Variants in CDK15 observed in about 807,000 individuals in gnomAD.
CDK15 encodes the protein cyclin dependent kinase 15.
CDK15 carries 62 observed loss-of-function variants against 60.3 expected under a neutral mutation model. The observed-to-expected ratio is 1.03, with a 90% CI of 0.84 to 1.27. The LOEUF is 1.27. Ranked by LOEUF, CDK15 falls within the 50% of genes most tolerant of loss-of-function variation. CDK15 has a pLI of 0.00. For missense variants in CDK15, 541 were observed against 527.8 expected, an observed-to-expected ratio of 1.03 and a Z score of -0.25; for synonymous variants, 194 against 195.7, an observed-to-expected ratio of 0.99 and a Z score of 0.07.
chr2:201,835,187 G>C (rs996709601), intron 7 of CDK15, among the ~76,000 whole-genome samples: 1 of 152,168 alleles, frequency 6.6e-6, no homozygotes, highest in Non-Finnish European at 1.5e-5. Flanking sequence ...CCTGACCTAA[G>C]CAGGCAGAGC....
intron 10 of CDK15, among the ~76,000 whole-genome samples, chr2:201,869,748 G>A (rs939954536): frequency 1.3e-5 from 2 of 152,022 alleles, no homozygotes; most frequent in African/African-American, 4.8e-5. Context: ...ACAGCACATA[G>A]ACCTCTCAGA....
chr2:201,824,799 C>A, intron 6 of CDK15: 1 of 678,530 alleles, frequency 1.5e-6, no homozygotes, highest in Non-Finnish European at 2.1e-6. Flanking sequence ...ATGTGAAACA[C>A]CCTCAGCCAT....
chr2:201,845,951 A>AT (rs1373732765), intron 8 of CDK15, among the ~76,000 whole-genome samples: 1 of 151,916 alleles, frequency 6.6e-6, no homozygotes, highest in Non-Finnish European at 1.5e-5. Context: ...TAAAAATCTG[A>AT]TTTTTGCTAA....
rs1696334074 is a variant in CDK15 at position 201,823,707 on chromosome 2, C to T, written c.586C>T (p.Leu196Phe). Residue 196 changes from leucine to phenylalanine, a missense_variant, in exon 6 of 14, where the codon CTT becomes TTT. Transcript: ENST00000652192. ...AQYMSQHPGG[L>F]HPHNVRLFMF... Reference sequence around the variant, plus strand: ...GTATATGTCTCAGCATCCAGGAGGGCTTCATCCTCATAATGTCAGAGTGAG... The same window carrying T: ...GTATATGTCTCAGCATCCAGGAGGGTTTCATCCTCATAATGTCAGAGTGAG... The T allele has an allele frequency of 6.2e-7, 1 of 1,613,822 alleles. No homozygotes were observed. Among genetic ancestry groups the T allele is most frequent in the East Asian group, 2.2e-5 (1 of 44,876 alleles).
At chr2:201,854,702 C>T (rs766368543) in intron 9 of CDK15, 172 bp from the exon 10 acceptor site, 19 of 598,422 alleles carry the variant, frequency 3.2e-5, no homozygotes, top group South Asian at 1.2e-4. Context: ...AAACCACAAA[C>T]GTTGGAAACA....
chr2:201,825,655 T>A (rs1466646349), intron 6 of CDK15, among the ~76,000 whole-genome samples: 1 of 152,190 alleles, frequency 6.6e-6, no homozygotes, highest in Non-Finnish European at 1.5e-5. Flanking sequence ...ACTTTTTTTT[T>A]ATGGTAATGC....
chr2:201,807,361 C>A (rs1695555436), intron 1 of CDK15, 133 bp from the exon 2 acceptor site: 1 of 849,724 alleles, frequency 1.2e-6, no homozygotes, highest in Non-Finnish European at 1.8e-6. Flanking sequence ...AAGAAAAGTG[C>A]CTTTTGGGGG....
chr2:201,830,444 G>A (rs972723017), intron 6 of CDK15, among the ~76,000 whole-genome samples: 5 of 152,176 alleles, frequency 3.3e-5, no homozygotes, highest in African/African-American at 4.8e-5. Flanking sequence ...GGAAACCATG[G>A]TAAAAAAACA....
At chr2:201,836,156 ATATATT>A (rs1697067882) in intron 8 of CDK15, among the ~76,000 whole-genome samples, 1 of 20,184 alleles carries the variant, frequency 5.0e-5, no homozygotes, top group East Asian at 1.4e-3. Flanking sequence ...TATATATTTT[ATATATT>A]TATATATTTA....
chr2:201,873,914 C>A (rs190422668), intron 11 of CDK15, among the ~76,000 whole-genome samples: 1 of 152,084 alleles, frequency 6.6e-6, no homozygotes, highest in African/African-American at 2.4e-5. Context: ...ATTAGCCGAG[C>A]GTGGTGGCAT....
chr2:201,890,493 T>C (rs946462593), intron 12 of CDK15, among the ~76,000 whole-genome samples: 1 of 152,202 alleles, frequency 6.6e-6, no homozygotes, highest in African/African-American at 2.4e-5. Flanking sequence ...GGTCCTTCTT[T>C]GTATGTGTAT....
At chr2:201,854,119 AG>A (rs2105786417) in intron 9 of CDK15, among the ~76,000 whole-genome samples, 1 of 152,256 alleles carries the variant, frequency 6.6e-6, no homozygotes, top group East Asian at 1.9e-4. Flanking sequence ...GCTTGCAGTG[AG>A]CCGAGATCGC....
intron 8 of CDK15, among the ~76,000 whole-genome samples, chr2:201,838,823 GA>G (rs1428461938): frequency 6.6e-6 from 1 of 152,094 alleles, no homozygotes; most frequent in African/African-American, 2.4e-5. Flanking sequence ...CCCTCCACTA[GA>G]AGGCCTTCTA....
chr2:201,850,299 A>G (rs1697851916), intron 9 of CDK15, among the ~76,000 whole-genome samples: 1 of 152,156 alleles, frequency 6.6e-6, no homozygotes, highest in African/African-American at 2.4e-5. Flanking sequence ...ATTTTAAAAT[A>G]TGACATACTA....
chr2:201,816,952 C>G (rs1424143518), intron 4 of CDK15, among the ~76,000 whole-genome samples: 1 of 152,182 alleles, frequency 6.6e-6, no homozygotes, highest in Admixed American at 6.5e-5. Flanking sequence ...TTGCATATAA[C>G]TAAAAGTGGG....
rs553022522 is a variant in CDK15 at position 201,853,928 on chromosome 2, G to A, written c.946-946G>A. On this transcript the variant is annotated intron_variant, in intron 9 of 13. Transcript: ENST00000652192. ...TGAAATCCCAGCACTTTGGGAGGCC[G>A]AGGTGGGCAGATCACGAGGTCAGGA... Among the ~76,000 whole-genome samples, 10 of 152,228 alleles carry A rather than the reference G, an allele frequency of 6.6e-5. No homozygotes were observed. The East Asian group carries it at 1.4e-3, about 21-fold the overall frequency.
intron 8 of CDK15, among the ~76,000 whole-genome samples, chr2:201,841,967 T>A (rs750929193): frequency 3.9e-5 from 6 of 152,240 alleles, no homozygotes; most frequent in Non-Finnish European, 1.5e-5. Context: ...GTGTGGTTTT[T>A]AGTTTTTTGT....
chr2:201,809,030 C>G (rs182283964), intron 3 of CDK15, among the ~76,000 whole-genome samples: 57 of 152,142 alleles, frequency 3.7e-4, no homozygotes, highest in Non-Finnish European at 1.2e-4. Flanking sequence ...GTTCAAGCAA[C>G]TCTCCTGCCC....
chr2:201,843,883 G>A (rs375820903), intron 8 of CDK15, among the ~76,000 whole-genome samples: 1 of 141,830 alleles, frequency 7.1e-6, no homozygotes, highest in Non-Finnish European at 1.6e-5. Context: ...AAGTTTAGTG[G>A]TATAGAAGAT....
Sources: allele counts gnomAD v4.1 joint callset (sites outside exome capture counted in the v4.1 genomes callset), GRCh38; gene constraint gnomAD v4.1.1; transcripts MANE v1.5; gene names NCBI Gene and HGNC (gene_info 2026-07-23, HGNC 2026-07-21).